Variants in NR1H4 observed in about 807,000 individuals in gnomAD.
The protein encoded by NR1H4 is bile acid receptor.
In NR1H4, 23 loss-of-function variants were observed where a neutral mutation model predicts 58.5. The ratio of observed to expected loss-of-function variants is 0.39; its 90% CI spans 0.28 to 0.56. NR1H4 has a LOEUF of 0.56. NR1H4 is among the 20% of genes least tolerant of loss of function. The pLI is 0.58. For synonymous variants in NR1H4, 214 were observed against 198.0 expected (o/e 1.08, Z -0.68); for missense variants, 487 against 576.9 (o/e 0.84, Z 1.60).
At chr12:100,528,004 C>A (rs1350959571) in intron 4 of NR1H4, among the ~76,000 whole-genome samples, 1 of 152,022 alleles carries the variant, frequency 6.6e-6, no homozygotes. Context: ...GGAGACAGAC[C>A]TAGAAGCTGT....
In NR1H4 at chr12:100,562,008, A is replaced by C; in HGVS notation, c.1192+10A>C. 1 of 1,275,382 alleles carries C rather than the reference A, an allele frequency of 7.8e-7. No individual in the cohort carries two copies. The highest frequency in any genetic ancestry group is 1.1e-6 in the Non-Finnish European group (1 of 871,478). 79.0% of individuals were successfully genotyped at this position (1,275,382 alleles called of 1,614,324 possible). On this transcript the variant is annotated intron_variant, in intron 10 of 10. Coordinates refer to ENST00000392986, the MANE Select transcript of NR1H4 (RefSeq NM_001206979.2). ...GTTATCCTGTCTCCAGGTAATTCCA[A>C]TGTTACATTTTAATTTTTATGCCAT... is the stretch of plus-strand genomic sequence containing the variant.
chr12:100,534,383 G>A (rs1207401049), intron 5 of NR1H4, among the ~76,000 whole-genome samples: 2 of 152,136 alleles, frequency 1.3e-5, no homozygotes, highest in Non-Finnish European at 2.9e-5. Context: ...AAGTTTATAT[G>A]TATTTAATGT....
At chr12:100,507,603 C>T (rs1953999472) in intron 3 of NR1H4, among the ~76,000 whole-genome samples, 1 of 152,140 alleles carries the variant, frequency 6.6e-6, no homozygotes, top group African/African-American at 2.4e-5. Context: ...GCTGGGACTA[C>T]AGGTGTGCAC....
intron 9 of NR1H4, among the ~76,000 whole-genome samples, chr12:100,553,476 T>A (rs1380666348): frequency 1.3e-4 from 20 of 152,124 alleles, no homozygotes; most frequent in Admixed American, 1.3e-3. Context: ...GAACCATGGA[T>A]GGGGTGCCTT....
intron 3 of NR1H4, among the ~76,000 whole-genome samples, chr12:100,494,321 A>G (rs749230974): frequency 6.6e-6 from 1 of 152,136 alleles, no homozygotes; most frequent in Non-Finnish European, 1.5e-5. Context: ...GCCATTTCCA[A>G]AAAGGGGTCA....
intron 8 of NR1H4, among the ~76,000 whole-genome samples, chr12:100,537,817 A>G (rs1047105937): frequency 1.3e-5 from 2 of 152,156 alleles, no homozygotes; most frequent in East Asian, 3.9e-4. Context: ...GAGTTCAAGC[A>G]ATTCTCCTGC....
Position 100,510,987 on chromosome 12 carries a change from T to C in NR1H4, c.289T>C (p.Tyr97His), listed in dbSNP as rs1308788261. The change falls in exon 4 of 11, where the codon TAC becomes CAC. Residue 97 changes from tyrosine to histidine, a missense_variant. Coordinates refer to ENST00000392986, the MANE Select transcript of NR1H4 (RefSeq NM_001206979.2). The part of the protein sequence containing the change: ...ELRRMPAETL[Y>H]QGETEVAEMP... The stretch of plus-strand genomic sequence containing the variant: ...CAGGCGTATGCCAGCTGAGACTCTC[T>C]ACCAGGGAGAAACTGAGGTAGCAGA... 1 of 1,614,246 alleles carries C rather than the reference T, an allele frequency of 6.2e-7. No homozygotes were observed.
intron 4 of NR1H4, among the ~76,000 whole-genome samples, chr12:100,514,652 A>G (rs570130270): frequency 6.6e-6 from 1 of 152,304 alleles, no homozygotes; most frequent in South Asian, 2.1e-4. Context: ...GAGAGAGACT[A>G]TTCAGTGAAA....
chr12:100,561,748 TAAA>T (rs1955480011), intron 9 of NR1H4, 134 bp from the exon 10 acceptor site: 9 of 607,364 alleles, frequency 1.5e-5, no homozygotes, highest in South Asian at 8.0e-5. Context: ...GGACATATAA[TAAA>T]AATAATATAG....
intron 4 of NR1H4, among the ~76,000 whole-genome samples, chr12:100,531,759 T>C (rs1954698924): frequency 6.6e-6 from 1 of 151,410 alleles, no homozygotes; most frequent in Admixed American, 6.6e-5. Context: ...CCTTCTTCAC[T>C]CTAGGCATCT....
intron 5 of NR1H4, among the ~76,000 whole-genome samples, chr12:100,533,247 T>C (rs1405238482): frequency 2.0e-5 from 3 of 152,228 alleles, no homozygotes; most frequent in African/African-American, 7.2e-5. Context: ...GTATATAACA[T>C]AATTAATTTT....
chr12:100,487,334 TA>T (rs1026432103), intron 1 of NR1H4, among the ~76,000 whole-genome samples: 5 of 152,210 alleles, frequency 3.3e-5, no homozygotes, highest in Non-Finnish European at 7.3e-5. Context: ...TACTTTAGCT[TA>T]AAAATAAATT....
Position 100,536,566 on chromosome 12 carries a change from T to C in NR1H4, c.787T>C (p.Ser263Pro). 1 of 1,608,670 alleles carries C rather than the reference T, an allele frequency of 6.2e-7. No homozygotes were observed. The highest frequency in any genetic ancestry group is 8.5e-7 in the Non-Finnish European group (1 of 1,175,270). ...GACTCTTCTACATTTTATTATGGAT[T>C]CATATAACAAACAGAGGATGCCTCA... ...QQTLLHFIMD[S>P]YNKQRMPQEI... Residue 263 changes from serine to proline, a missense_variant, in exon 7 of 11, where the codon TCA (serine) becomes CCA (proline). Transcript: ENST00000392986.
intron 3 of NR1H4, chr12:100,499,902 G>A: frequency 2.2e-6 from 1 of 455,968 alleles, no homozygotes; most frequent in Non-Finnish European, 4.4e-6. Context: ...TGTGGTCTTG[G>A]ACAAATTCCT....
At chr12:100,521,372 GCTTT>G (rs1179781983) in intron 4 of NR1H4, among the ~76,000 whole-genome samples, 1 of 152,160 alleles carries the variant, frequency 6.6e-6, no homozygotes, top group Non-Finnish European at 1.5e-5. Context: ...TAAATCAAGA[GCTTT>G]CTTTTGCCCT....
At chr12:100,510,390 T>A (rs1954075913) in intron 3 of NR1H4, among the ~76,000 whole-genome samples, 1 of 152,072 alleles carries the variant, frequency 6.6e-6, no homozygotes, top group African/African-American at 2.4e-5. Flanking sequence ...TGTTTTAGTT[T>A]CAATTTAAAT....
intron 9 of NR1H4, 42 bp downstream of exon 9, chr12:100,540,860 G>A (rs1954919292): frequency 1.2e-6 from 2 of 1,606,044 alleles, no homozygotes; most frequent in African/African-American, 1.3e-5. Context: ...GTTTCTAGGA[G>A]TAAAATTGGT....
intron 5 of NR1H4, among the ~76,000 whole-genome samples, chr12:100,532,832 G>T (rs534308182): frequency 2.6e-5 from 4 of 152,076 alleles, no homozygotes; most frequent in African/African-American, 7.2e-5. Context: ...TTTCTTTGTC[G>T]CAGTGAACTA....
chr12:100,522,543 AG>A (rs1025540471), intron 4 of NR1H4, among the ~76,000 whole-genome samples: 4 of 151,620 alleles, frequency 2.6e-5, no homozygotes, highest in Non-Finnish European at 5.9e-5. Flanking sequence ...CTTTTTAAAA[AG>A]TTTTTTTTTT....
Sources: allele counts gnomAD v4.1 joint callset (sites outside exome capture counted in the v4.1 genomes callset), GRCh38; gene constraint gnomAD v4.1.1; transcripts MANE v1.5; gene names NCBI Gene and HGNC (gene_info 2026-07-23, HGNC 2026-07-21).